ZNF605: variants seen among roughly 807,000 people sequenced by gnomAD.
The protein encoded by ZNF605 is zinc finger protein 605.
Under a neutral mutation model 7.9 loss-of-function variants are expected in ZNF605, and 9 were observed. That is an observed-to-expected ratio of 1.14 (90% CI 0.68 to 1.98). The LOEUF is 1.98. Ranked by LOEUF, ZNF605 falls within the 30% of genes most tolerant of loss-of-function variation. The pLI is 0.00. For synonymous variants in ZNF605, 255 were observed against 260.1 expected (o/e 0.98, Z 0.19); for missense variants, 673 against 762.4 (o/e 0.88, Z 1.38).
At chr12:132,954,446 GGGA>G (rs1952612322) in intron 1 of ZNF605, among the ~76,000 whole-genome samples, 1 of 147,606 alleles carries the variant, frequency 6.8e-6, no homozygotes, top group Non-Finnish European at 1.5e-5. Flanking sequence ...GGGTAGGGAG[GGGA>G]GGAGAAGGGT....
chr12:132,940,962 T>C (rs1317598300), intron 3 of ZNF605, among the ~76,000 whole-genome samples: 5 of 152,072 alleles, frequency 3.3e-5, no homozygotes, highest in African/African-American at 1.2e-4. Context: ...CCCAGTGTTT[T>C]GCTCCCACTT....
At chr12:132,944,355 G>A (rs988964877) in intron 3 of ZNF605, among the ~76,000 whole-genome samples, 1 of 152,166 alleles carries the variant, frequency 6.6e-6, no homozygotes, top group African/African-American at 2.4e-5. Context: ...AGGGTGAGAG[G>A]GGAGAGGCTG....
intron 3 of ZNF605, among the ~76,000 whole-genome samples, chr12:132,939,285 CTG>C: frequency 6.6e-6 from 1 of 151,278 alleles, no homozygotes. Flanking sequence ...AATCAGCACC[CTG>C]TGTTTAGCTC....
In ZNF605 at chr12:132,948,160, T is replaced by C. The variant is rs1952513596; in HGVS notation, c.-175A>G. The C allele has an allele frequency of 6.6e-6, 1 of 152,162 alleles. No individual in the cohort carries two copies. The highest frequency in any genetic ancestry group is 2.1e-4 in the South Asian group (1 of 4,826). 9.4% of individuals were successfully genotyped at this position (152,162 alleles called of 1,614,324 possible). Reference sequence around the variant, plus strand: ...CACGAATGCTCACACTTTACATTTCTTCACTGCCCATGGACCAGGCCACTT... The same window carrying C: ...CACGAATGCTCACACTTTACATTTCCTCACTGCCCATGGACCAGGCCACTT... On this transcript the variant is annotated 5_prime_UTR_variant, in exon 2 of 5. Transcript: ENST00000360187.
In ZNF605 at chr12:132,933,141, A is replaced by G; in HGVS notation, c.30T>C (p.Asp10=). 6.2e-7 allele frequency: 1 copy of G among 1,609,748 alleles called. No individual in the cohort carries two copies. The highest frequency in any genetic ancestry group is 8.5e-7 in the Non-Finnish European group (1 of 1,177,498). Residue 10 remains aspartate (D), a synonymous_variant, in exon 4 of 5, where the codon GAT becomes GAC. Coordinates refer to ENST00000360187, the MANE Select transcript of ZNF605 (RefSeq NM_183238.4). This position sits in a 1 kb window ranked among gnomAD's most constrained non-coding sequence, Gnocchi z 4.4. ...CCTCCAGCGTGAAATCCACAGCCAC[A>G]TCCTCAAATGATATCTGGAAAAGCA... is the stretch of plus-strand genomic sequence containing the variant. MIQSQISFE[D]VAVDFTLEEW...
intron 1 of ZNF605, among the ~76,000 whole-genome samples, chr12:132,954,569 T>G (rs1284460667): frequency 7.1e-6 from 1 of 140,328 alleles, no homozygotes. Flanking sequence ...CCCCTGTAAC[T>G]GACATTCTGA....
At chr12:132,950,287 C>T (rs1420810547) in intron 1 of ZNF605, among the ~76,000 whole-genome samples, 2 of 152,146 alleles carry the variant, frequency 1.3e-5, no homozygotes, top group Non-Finnish European at 2.9e-5. Flanking sequence ...TGGCCTCCCC[C>T]TTCAGAATCC....
At chr12:132,937,262 G>A (rs1468510330) in intron 3 of ZNF605, among the ~76,000 whole-genome samples, 2 of 150,872 alleles carry the variant, frequency 1.3e-5, no homozygotes, top group Non-Finnish European at 2.9e-5. Context: ...GGAAGGCTAA[G>A]GGAGGATAAT....
At chr12:132,952,153 C>T (rs1593606619) in intron 1 of ZNF605, among the ~76,000 whole-genome samples, 1 of 151,886 alleles carries the variant, frequency 6.6e-6, no homozygotes, top group Non-Finnish European at 1.5e-5. Flanking sequence ...ACTGTGAGCG[C>T]TCAGAAGAAA....
intron 1 of ZNF605, among the ~76,000 whole-genome samples, chr12:132,950,903 CACAT>C (rs1952554648): frequency 6.6e-6 from 1 of 151,828 alleles, no homozygotes; most frequent in Non-Finnish European, 1.5e-5. Flanking sequence ...CAGACGCACA[CACAT>C]ACTGATACAC....
chr12:132,939,087 C>A (rs1952402505), intron 3 of ZNF605, among the ~76,000 whole-genome samples: 1 of 151,796 alleles, frequency 6.6e-6, no homozygotes, highest in Non-Finnish European at 1.5e-5. Context: ...AGCACCACCC[C>A]CTGCTCCACG....
rs1021537892 is a variant in ZNF605 at position 132,920,368 on chromosome 12, T to A, written c.*5005A>T. The A allele has an allele frequency of 1.3e-5, 2 of 152,056 alleles. No individual in the cohort carries two copies. The highest frequency in any genetic ancestry group is 4.8e-5 in the African/African-American group (2 of 41,398). 9.4% of individuals were successfully genotyped at this position (152,056 alleles called of 1,614,324 possible). On this transcript the variant is annotated 3_prime_UTR_variant, in exon 5 of 5. Transcript: ENST00000360187. ...GTTAGCCAGGATGGTCTCGATCTCCTGACCTCGTGATCCACCCGCCTTGGC... is the reference window on the plus strand; with the variant it reads ...GTTAGCCAGGATGGTCTCGATCTCCAGACCTCGTGATCCACCCGCCTTGGC...
chr12:132,937,359 C>CAAAAAA (rs56281488), intron 3 of ZNF605, among the ~76,000 whole-genome samples: 109 of 86,592 alleles, frequency 1.3e-3, no homozygotes, highest in Middle Eastern at 7.9e-3. Flanking sequence ...AACTCTGTCT[C>CAAAAAA]AAAAAAAAAA....
At position 132,951,398 on chromosome 12, in the gene ZNF605, G is replaced by A. The variant is rs201822723; in HGVS notation, c.-285-3128C>T. 5.1e-3 allele frequency among the ~76,000 whole-genome samples: 546 copies of A among 108,118 alleles called. 4 individuals carry two copies. Among genetic ancestry groups the A allele is most frequent in the African/African-American group, 0.026 (520 of 19,920 alleles). The allele number at this position is 108,118 out of a possible 152,430, so 70.9% of individuals were successfully genotyped here. A position where few individuals can be genotyped will look rare whatever the true frequency, so the allele number is the denominator to read the frequency against. On this transcript the variant is annotated intron_variant, in intron 1 of 4. Transcript: ENST00000360187. ...CACACATATACGTACACACAGATAC[G>A]TACATCACACACACTCACAGACACG...
At chr12:132,950,644 G>A (rs1050999475) in intron 1 of ZNF605, among the ~76,000 whole-genome samples, 5 of 149,626 alleles carry the variant, frequency 3.3e-5, no homozygotes, top group Non-Finnish European at 7.4e-5. Context: ...TGAGTACATC[G>A]CACATACACT....
chr12:132,937,961 T>A (rs1201091072), intron 3 of ZNF605, among the ~76,000 whole-genome samples: 2 of 150,348 alleles, frequency 1.3e-5, no homozygotes, highest in African/African-American at 4.9e-5. Context: ...AAAGGTCACA[T>A]ATGTGATCCC....
At chr12:132,951,932 A>G (rs1370244698) in intron 1 of ZNF605, among the ~76,000 whole-genome samples, 1 of 151,664 alleles carries the variant, frequency 6.6e-6, no homozygotes, top group East Asian at 1.9e-4. Context: ...ACATCACACA[A>G]TACACATTCC....
At chr12:132,950,599 TACAC>T (rs1379987922) in intron 1 of ZNF605, among the ~76,000 whole-genome samples, 18 of 146,924 alleles carry the variant, frequency 1.2e-4, no homozygotes, top group Admixed American at 9.5e-4. Flanking sequence ...GATGCACACG[TACAC>T]ACACACAAAG....
rs966312272 is a variant in ZNF605, at chr12:132,927,083, A to G, written c.216T>C (p.Tyr72=). The change falls in exon 5 of 5, where the codon TAT becomes TAC. Residue 72 remains tyrosine, a synonymous_variant. Transcript: ENST00000360187. ...NLKSMERGHK[Y]DVFGKIFNSS... is the part of the protein sequence containing the mutation. ...AATTAAATATTTTTCCAAAAACATC[A>G]TATTTATGGCCTCTCTCCATACTTT... 20 of 1,600,462 alleles carry G rather than the reference A, an allele frequency of 1.2e-5. No homozygotes were observed. The highest frequency in any genetic ancestry group is 1.6e-4 in the Middle Eastern group (1 of 6,084).
Sources: allele counts gnomAD v4.1 joint callset (sites outside exome capture counted in the v4.1 genomes callset), GRCh38; gene constraint gnomAD v4.1.1; non-coding constraint Gnocchi (gnomAD v3.1); transcripts MANE v1.5; gene names NCBI Gene and HGNC (gene_info 2026-07-23, HGNC 2026-07-21).